The following NUDCD3 variants were observed in gnomAD, a reference collection of about 807,000 sequenced individuals.
NUDCD3 encodes the protein NudC domain containing 3.
Under a neutral mutation model 39.7 loss-of-function variants are expected in NUDCD3, and 13 were observed. The observed-to-expected ratio is 0.33, with a 90% CI of 0.21 to 0.52. The LOEUF (loss-of-function observed/expected upper bound fraction) is 0.52, where lower values mean the gene tolerates loss of function less well. Among genes scored for constraint, NUDCD3 ranks in the 20% least tolerant of loss-of-function variants. The pLI is 0.96. For missense variants in NUDCD3, 453 were observed against 458.1 expected, an observed-to-expected ratio of 0.99 and a Z score of 0.10; for synonymous variants, 175 against 172.4, an observed-to-expected ratio of 1.02 and a Z score of -0.12.
chr7:44,451,157 G>T (rs1799787716), intron 2 of NUDCD3, among the ~76,000 whole-genome samples: 1 of 152,176 alleles, frequency 6.6e-6, no homozygotes, highest in East Asian at 1.9e-4. Flanking sequence ...GACTTAAAAA[G>T]GAAGGACATT....
intron 2 of NUDCD3, among the ~76,000 whole-genome samples, chr7:44,456,911 AG>A (rs1345760749): frequency 6.6e-6 from 1 of 152,190 alleles, no homozygotes; most frequent in Non-Finnish European, 1.5e-5. Context: ...GGCATGTGGC[AG>A]GGTAACAAGC....
At chr7:44,416,127 AAGGTGG>A (rs1799017201) in intron 3 of NUDCD3, among the ~76,000 whole-genome samples, 1 of 152,194 alleles carries the variant, frequency 6.6e-6, no homozygotes, top group Admixed American at 6.5e-5. Context: ...TCTGTTGCCC[AAGGTGG>A]AGTGCAGTGG....
chr7:44,466,717 A>G (rs1800125862), intron 2 of NUDCD3, among the ~76,000 whole-genome samples: 1 of 152,230 alleles, frequency 6.6e-6, no homozygotes, highest in Non-Finnish European at 1.5e-5. Context: ...AGTGTTTTCT[A>G]GGTCACAGCT....
chr7:44,381,239 G>A lies in NUDCD3; in HGVS notation c.*4772C>T, dbSNP rs1798300268. On this transcript the variant is annotated 3_prime_UTR_variant, in exon 6 of 6. Coordinates refer to ENST00000355451, the MANE Select transcript of NUDCD3 (RefSeq NM_015332.4). Reference sequence around the variant, plus strand: ...CCTTGATGAACAGTCCACTGGGAATGGGGCCTGCAGTGGCCCTGGATGATT... The same window carrying A: ...CCTTGATGAACAGTCCACTGGGAATAGGGCCTGCAGTGGCCCTGGATGATT... 1 of 152,326 alleles carries A rather than the reference G, an allele frequency of 6.6e-6. No individual in the cohort carries two copies. The highest frequency in any genetic ancestry group is 2.4e-5 in the African/African-American group (1 of 41,462). The allele number at this position is 152,326 out of a possible 1,614,324, so 9.4% of individuals were successfully genotyped here. A position where few individuals can be genotyped will look rare whatever the true frequency, so the allele number is the denominator to read the frequency against.
At chr7:44,403,337 G>T (rs1798757277) in intron 4 of NUDCD3, among the ~76,000 whole-genome samples, 1 of 152,206 alleles carries the variant, frequency 6.6e-6, no homozygotes, top group African/African-American at 2.4e-5. Flanking sequence ...GCCTAAATAG[G>T]AGGCCCTGCT....
chr7:44,467,597 G>A (rs1200505139), intron 2 of NUDCD3, among the ~76,000 whole-genome samples: 1 of 152,004 alleles, frequency 6.6e-6, no homozygotes, highest in Non-Finnish European at 1.5e-5. Context: ...GGCCCGGCAG[G>A]GACGAGGCAA....
rs1450771500 is a variant in NUDCD3, at chr7:44,382,079, T to C, written c.*3932A>G. On this transcript the variant is annotated 3_prime_UTR_variant, in exon 6 of 6. Coordinates refer to ENST00000355451, the MANE Select transcript of NUDCD3 (RefSeq NM_015332.4). ...GCATTTGGTGTGGAGGAATGGGTGGTGGGATTGAAAACCCCTACCAGACCC... is the reference window on the plus strand; with the variant it reads ...GCATTTGGTGTGGAGGAATGGGTGGCGGGATTGAAAACCCCTACCAGACCC... 6.6e-6 allele frequency: 1 copy of C among 152,110 alleles called. No homozygotes were observed. Among genetic ancestry groups the C allele is most frequent in the Non-Finnish European group, 1.5e-5 (1 of 68,028 alleles). The allele number at this position is 152,110 out of a possible 1,614,324, so 9.4% of individuals were successfully genotyped here.
At chr7:44,412,185 A>G (rs776460276) in intron 3 of NUDCD3, among the ~76,000 whole-genome samples, 8 of 152,226 alleles carry the variant, frequency 5.3e-5, no homozygotes, top group Non-Finnish European at 1.2e-4. Flanking sequence ...ATGAAGATAC[A>G]CATGCAAGTA....
chr7:44,466,133 G>T (rs1297131225), intron 2 of NUDCD3, among the ~76,000 whole-genome samples: 3 of 152,098 alleles, frequency 2.0e-5, no homozygotes, highest in Non-Finnish European at 4.4e-5. Context: ...AGCTCACAAT[G>T]GCCCCTAGAA....
intron 2 of NUDCD3, among the ~76,000 whole-genome samples, chr7:44,437,377 C>A (rs1799488509): frequency 6.6e-6 from 1 of 152,110 alleles, no homozygotes; most frequent in South Asian, 2.1e-4. Flanking sequence ...CATTACCATT[C>A]GACCTTTGTT....
intron 2 of NUDCD3, chr7:44,484,736 C>G (rs1290230596): frequency 2.2e-6 from 1 of 462,126 alleles, no homozygotes; most frequent in African/African-American, 1.9e-5. Flanking sequence ...CTCTGGATCT[C>G]AAATGGTTGT....
rs144802876 is a variant in NUDCD3, at chr7:44,468,424, A to G, written c.509+16544T>C. 3.1e-4 allele frequency: 236 copies of G among 759,756 alleles called. 1 individual carries two copies. Among genetic ancestry groups the G allele is most frequent in the African/African-American group, 2.3e-3 (131 of 56,634 alleles). 47.1% of individuals were successfully genotyped at this position (759,756 alleles called of 1,614,324 possible). A position where few individuals can be genotyped will look rare whatever the true frequency, so the allele number is the denominator to read the frequency against. ...AAAGAATTTGTTTGTTCAATGCCAGACAGCTTATCAGTGTCAGAGCTAGCA... is the reference window on the plus strand; with the variant it reads ...AAAGAATTTGTTTGTTCAATGCCAGGCAGCTTATCAGTGTCAGAGCTAGCA... On this transcript the variant is annotated intron_variant, in intron 2 of 5. Coordinates refer to ENST00000355451, the MANE Select transcript of NUDCD3 (RefSeq NM_015332.4).
At chr7:44,388,190 C>CT (rs1217503395) in intron 5 of NUDCD3, among the ~76,000 whole-genome samples, 2 of 152,248 alleles carry the variant, frequency 1.3e-5, no homozygotes, top group Admixed American at 1.3e-4. Flanking sequence ...TTAGAAAACT[C>CT]TGAGTTCACA....
intron 3 of NUDCD3, among the ~76,000 whole-genome samples, chr7:44,406,522 C>T (rs546171420): frequency 1.3e-5 from 2 of 152,318 alleles, no homozygotes; most frequent in South Asian, 4.1e-4. Context: ...CCTGCCTTCA[C>T]AAGAACAAGC....
chr7:44,403,662 T>C (rs1222136697), intron 4 of NUDCD3, among the ~76,000 whole-genome samples: 1 of 152,254 alleles, frequency 6.6e-6, no homozygotes, highest in Non-Finnish European at 1.5e-5. Flanking sequence ...CTGCCAAGCA[T>C]GTCTTATAGA....
At chr7:44,388,102 T>C (rs931950187) in intron 5 of NUDCD3, among the ~76,000 whole-genome samples, 11 of 152,252 alleles carry the variant, frequency 7.2e-5, no homozygotes, top group South Asian at 2.1e-4. Context: ...AATAAAAGTA[T>C]TGTCATTTCA....
intron 2 of NUDCD3, among the ~76,000 whole-genome samples, chr7:44,467,361 T>C (rs1800141249): frequency 1.3e-5 from 2 of 152,152 alleles, no homozygotes; most frequent in Non-Finnish European, 2.9e-5. Context: ...CTCCAAGACT[T>C]CTGCTAGTGG....
Position 44,398,351 on chromosome 7 carries a change from G to A in NUDCD3, c.787-5866C>T, listed in dbSNP as rs921081716. The stretch of plus-strand genomic sequence containing the variant: ...TCAATGGCTTATAACTCATTACCAT[G>A]CTTAATTATGTTGGTGTGAAACAAT... On this transcript the variant is annotated intron_variant, in intron 4 of 5. Transcript: ENST00000355451. Among the ~76,000 whole-genome samples the A allele has an allele frequency of 2.0e-5, 3 of 152,156 alleles. No homozygotes were observed. In the South Asian group the frequency reaches 6.2e-4, roughly 32 times the overall value.
At chr7:44,403,525 C>CATT (rs1798761323) in intron 4 of NUDCD3, among the ~76,000 whole-genome samples, 1 of 152,202 alleles carries the variant, frequency 6.6e-6, no homozygotes, top group African/African-American at 2.4e-5. Flanking sequence ...TGACAGAATA[C>CATT]ACTCCTTTCG....
Sources: allele counts gnomAD v4.1 joint callset (sites outside exome capture counted in the v4.1 genomes callset), GRCh38; gene constraint gnomAD v4.1.1; transcripts MANE v1.5; gene names NCBI Gene and HGNC (gene_info 2026-07-23, HGNC 2026-07-21).